KIF26B: variants seen among roughly 807,000 people sequenced by gnomAD.
The protein encoded by KIF26B is kinesin-like protein KIF26B.
KIF26B carries 63 observed loss-of-function variants against 151.2 expected under a neutral mutation model. The observed-to-expected ratio is 0.42, with a 90% CI of 0.34 to 0.51. KIF26B has a LOEUF of 0.51. Among genes scored for constraint, KIF26B ranks in the 20% least tolerant of loss-of-function variants. The pLI, the probability that KIF26B is intolerant of heterozygous loss-of-function variation, is 0.07. For synonymous variants in KIF26B, 1,357 were observed against 1,262.1 expected (o/e 1.08, Z -1.59); for missense variants, 2,813 against 2,913.6 (o/e 0.97, Z 0.79).
intron 2 of KIF26B, among the ~76,000 whole-genome samples, chr1:245,219,831 T>C (rs555388148): frequency 3.3e-5 from 5 of 152,334 alleles, no homozygotes; most frequent in African/African-American, 1.2e-4. Flanking sequence ...GCCAGCTCCC[T>C]GCTTTCCAGG....
At chr1:245,176,506 C>T (rs1668811563) in intron 2 of KIF26B, among the ~76,000 whole-genome samples, 1 of 152,138 alleles carries the variant, frequency 6.6e-6, no homozygotes, top group Non-Finnish European at 1.5e-5. Context: ...GAGGTGCATA[C>T]TTGCTGGTAA....
chr1:245,315,960 A>G (rs1671765924), intron 2 of KIF26B, among the ~76,000 whole-genome samples: 1 of 152,142 alleles, frequency 6.6e-6, no homozygotes, highest in African/African-American at 2.4e-5. Context: ...AGTACATATC[A>G]TTAATTCCAC....
At chr1:245,422,294 T>C (rs1658509100) in intron 4 of KIF26B, among the ~76,000 whole-genome samples, 1 of 152,056 alleles carries the variant, frequency 6.6e-6, no homozygotes, top group South Asian at 2.1e-4. Flanking sequence ...CCCCCCACCC[T>C]TTACTCATTA....
intron 4 of KIF26B, among the ~76,000 whole-genome samples, chr1:245,493,902 T>C (rs1660457700): frequency 6.6e-6 from 1 of 152,194 alleles, no homozygotes; most frequent in South Asian, 2.1e-4. Flanking sequence ...ACTCCAGTCG[T>C]TGTCCCCTTT....
intron 4 of KIF26B, among the ~76,000 whole-genome samples, chr1:245,466,345 T>C (rs1318042166): frequency 2.0e-5 from 3 of 152,172 alleles, no homozygotes; most frequent in African/African-American, 2.4e-5. Flanking sequence ...TGTTTCTCTG[T>C]CTCAAGGGAG....
chr1:245,613,327 G>T (rs1383888523), intron 9 of KIF26B, among the ~76,000 whole-genome samples: 6 of 152,218 alleles, frequency 3.9e-5, no homozygotes, highest in African/African-American at 1.4e-4. Context: ...GTAGGACCAG[G>T]CGTGGTGGCT....
chr1:245,419,556 T>G (rs1302345275), intron 3 of KIF26B, 23 bp from the exon 4 acceptor site: 3 of 1,597,416 alleles, frequency 1.9e-6, no homozygotes, highest in Non-Finnish European at 2.6e-6. Flanking sequence ...GGTAATGAGC[T>G]CCGTATCCAT....
intron 2 of KIF26B, among the ~76,000 whole-genome samples, chr1:245,165,257 C>G (rs1203639903): frequency 5.3e-5 from 8 of 151,978 alleles, no homozygotes; most frequent in Admixed American, 5.2e-4. Context: ...AGAAAACCCG[C>G]CATGGGGAGC....
intron 1 of KIF26B, 122 bp from the exon 2 acceptor site, chr1:245,156,160 G>A (rs924249258): frequency 3.6e-6 from 5 of 1,403,722 alleles, no homozygotes; most frequent in Non-Finnish European, 4.7e-6. Context: ...GGCTTGGAGA[G>A]GTCCCCAACC....
At chr1:245,220,018 A>G (rs1006494577) in intron 2 of KIF26B, among the ~76,000 whole-genome samples, 10 of 152,062 alleles carry the variant, frequency 6.6e-5, no homozygotes, top group African/African-American at 2.4e-4. Context: ...GACTTGATGC[A>G]GGGGGCAGAG....
At chr1:245,593,209 A>G (rs1052503729) in intron 5 of KIF26B, among the ~76,000 whole-genome samples, 1 of 152,160 alleles carries the variant, frequency 6.6e-6, no homozygotes, top group African/African-American at 2.4e-5. Flanking sequence ...TCTGGGATAC[A>G]TGTATAGAAT....
chr1:245,557,568 A>T (rs1662070129), intron 5 of KIF26B, among the ~76,000 whole-genome samples: 1 of 152,076 alleles, frequency 6.6e-6, no homozygotes, highest in African/African-American at 2.4e-5. Flanking sequence ...CTGTGGGAGC[A>T]CCTCTTCCTT....
rs192560369 is a variant in KIF26B at position 245,628,277 on chromosome 1, G to A, written c.2098+16301G>A. Among the ~76,000 whole-genome samples the A allele has an allele frequency of 3.4e-3, 512 of 152,316 alleles. 2 individuals carry two copies. The highest frequency in any genetic ancestry group is 0.011 in the African/African-American group (463 of 41,564). The stretch of plus-strand genomic sequence containing the variant: ...GCAGGTGGATCACTTGAGGTCAGGA[G>A]TTCGAGACCAGCCTGCCAACATGGC... On this transcript the variant is annotated intron_variant, in intron 9 of 14. Coordinates refer to ENST00000407071, the MANE Select transcript of KIF26B (RefSeq NM_018012.4).
At chr1:245,607,595 T>C (rs893554533) in intron 6 of KIF26B, 56 bp from the exon 7 acceptor site, 4 of 1,404,338 alleles carry the variant, frequency 2.8e-6, no homozygotes, top group African/African-American at 2.8e-5. Context: ...TCGTTGTTAG[T>C]GGTGTCTCCG....
intron 8 of KIF26B, among the ~76,000 whole-genome samples, chr1:245,609,760 T>C (rs1242824383): frequency 1.3e-5 from 2 of 152,004 alleles, no homozygotes; most frequent in Non-Finnish European, 2.9e-5. Context: ...ATTACAGCAT[T>C]TGGGGGAGAA....
chr1:245,273,442 C>T lies in KIF26B; in HGVS notation c.466-93392C>T, dbSNP rs550563291. 5.8e-3 allele frequency among the ~76,000 whole-genome samples: 849 copies of T among 146,560 alleles called. 8 individuals are homozygous for T. The highest frequency in any genetic ancestry group is 0.02 in the African/African-American group (797 of 40,546). ...AAAAAAAAAAAAAAAAAAAAAAAAA[C>T]CCCAAAAAACAAAAGTGGGATATTG... On this transcript the variant is annotated intron_variant, in intron 2 of 14. Transcript: ENST00000407071.
intron 2 of KIF26B, among the ~76,000 whole-genome samples, chr1:245,325,102 AAAAAAAAAAG>A (rs1299128074): frequency 1.9e-4 from 28 of 146,570 alleles, no homozygotes; most frequent in African/African-American, 4.9e-4. Context: ...CTCAAAAAAA[AAAAAAAAAAG>A]AAAAAAAGAA....
intron 2 of KIF26B, among the ~76,000 whole-genome samples, chr1:245,276,091 C>T (rs1670930230): frequency 6.6e-6 from 1 of 152,108 alleles, no homozygotes; most frequent in African/African-American, 2.4e-5. Context: ...CCTGTAATCC[C>T]AGCACTCTGG....
At chr1:245,419,828 C>T in intron 4 of KIF26B, 83 bp downstream of exon 4, 1 of 1,296,980 alleles carries the variant, frequency 7.7e-7, no homozygotes, top group Non-Finnish European at 1.1e-6. Flanking sequence ...AGCTGAAACA[C>T]TAGAAAGAGT....
Sources: gnomAD v4.1 joint callset for allele counts (sites outside exome capture counted in the v4.1 genomes callset) on GRCh38, gnomAD v4.1.1 for gene constraint, MANE v1.5 for transcripts, NCBI Gene and HGNC (gene_info 2026-07-23, HGNC 2026-07-21) for gene names.